PHC2: variants seen among roughly 807,000 people sequenced by gnomAD.
PHC2 encodes the protein polyhomeotic-like protein 2.
A neutral mutation model predicts 87.4 loss-of-function variants in PHC2; 29 were observed. That is an observed-to-expected ratio of 0.33 (90% CI 0.25 to 0.45). PHC2 has a LOEUF of 0.45. Ranked by LOEUF, PHC2 falls within the 20% of genes least tolerant of loss-of-function variation. The pLI is 1.00. For synonymous variants in PHC2, 438 were observed against 461.7 expected, an observed-to-expected ratio of 0.95 and a Z score of 0.66; for missense variants, 857 against 1,136.7, an observed-to-expected ratio of 0.75 and a Z score of 3.54.
At position 33,342,525 on chromosome 1, in the gene PHC2, C is replaced by T. The variant is rs116818513; in HGVS notation, c.1559-8233G>A. 3.2e-3 allele frequency among the ~76,000 whole-genome samples: 463 copies of T among 146,944 alleles called. 3 individuals carry two copies. The highest frequency in any genetic ancestry group is 0.011 in the African/African-American group (432 of 40,540). On this transcript the variant is annotated intron_variant, in intron 9 of 14. Coordinates refer to ENST00000683057, the MANE Select transcript of PHC2 (RefSeq NM_001385109.1). ...ATGGAGCGAACAGCCACCCTCCCCC[C>T]ACCCCATGCAGTTCAGGACAACGGG...
chr1:33,403,894 A>C (rs562434829), intron 1 of PHC2, among the ~76,000 whole-genome samples: 1 of 152,260 alleles, frequency 6.6e-6, no homozygotes, highest in South Asian at 2.1e-4. Flanking sequence ...TCTCCTTCAA[A>C]GGCTTGTCTC....
rs191292138 is a variant in PHC2, at chr1:33,336,955, G to C, written c.1559-2663C>G. On this transcript the variant is annotated intron_variant, in intron 9 of 14. Transcript: ENST00000683057. ...GATGATTCAATCAAATTAAGTTTCT[G>C]TGCTTTTAAATTTTAAATATTTAAC... The C allele has an allele frequency of 2.3e-3, 344 of 152,310 alleles. 2 individuals carry two copies. The highest frequency in any genetic ancestry group is 7.6e-3 in the African/African-American group (316 of 41,564). The allele number at this position is 152,310 out of a possible 1,614,324, so 9.4% of individuals were successfully genotyped here.
At chr1:33,379,308 CACCCCCCCACTGCCCCCCTGCCCCCCA>C (rs1648348384) in intron 1 of PHC2, among the ~76,000 whole-genome samples, 2 of 95,696 alleles carry the variant, frequency 2.1e-5, no homozygotes, top group Non-Finnish European at 4.3e-5. Flanking sequence ...CCTGCCCCCC[CACCCCCCCACTGCCCCCCTGCCCCCCA>C]CCCCCCCACC....
chr1:33,345,175 C>T (rs1408979906), intron 9 of PHC2: 1 of 152,202 alleles, frequency 6.6e-6, no homozygotes, highest in Non-Finnish European at 1.5e-5. Context: ...TCCTCCTAAT[C>T]TACTGGAGAA....
intron 1 of PHC2, among the ~76,000 whole-genome samples, chr1:33,430,605 T>G (rs1650872524): frequency 6.6e-6 from 1 of 151,742 alleles, no homozygotes; most frequent in African/African-American, 2.4e-5. Flanking sequence ...AGAAAGCGAG[T>G]CACTGACGGG....
At chr1:33,409,380 G>C (rs1649893373) in intron 1 of PHC2, among the ~76,000 whole-genome samples, 1 of 152,148 alleles carries the variant, frequency 6.6e-6, no homozygotes. Context: ...GTTTAAGAAA[G>C]AGTGTGTAAC....
chr1:33,363,500 A>G (rs1204980852), intron 7 of PHC2, among the ~76,000 whole-genome samples: 1 of 152,166 alleles, frequency 6.6e-6, no homozygotes, highest in Non-Finnish European at 1.5e-5. Context: ...CCAGCCTATC[A>G]CAGACAGAAA....
At chr1:33,367,468 A>G (rs1216314937) in intron 6 of PHC2, 40 bp from the exon 7 acceptor site, 1 of 1,457,684 alleles carries the variant, frequency 6.9e-7, no homozygotes, top group East Asian at 2.3e-5. Context: ...AGAATGTGGC[A>G]GGAGCAATGC....
chr1:33,383,103 C>T lies in PHC2; in HGVS notation c.-54-7510G>A, dbSNP rs548814285. 7.2e-5 allele frequency among the ~76,000 whole-genome samples: 11 copies of T among 152,262 alleles called. No individual in the cohort carries two copies. The South Asian group carries it at 1.0e-3, about 14-fold the overall frequency. On this transcript the variant is annotated intron_variant, in intron 1 of 14. Coordinates refer to ENST00000683057, the MANE Select transcript of PHC2 (RefSeq NM_001385109.1). ...TGCTTCTCCTTTCTGGATGCCCCTC[C>T]GCCAGAGGCATAAGGCAGTAATAAC...
At chr1:33,376,856 G>A (rs1034607474) in intron 1 of PHC2, among the ~76,000 whole-genome samples, 1 of 152,184 alleles carries the variant, frequency 6.6e-6, no homozygotes, top group Non-Finnish European at 1.5e-5. Flanking sequence ...TTGAACCCAG[G>A]AGACAGAGGT....
intron 7 of PHC2, among the ~76,000 whole-genome samples, chr1:33,356,274 T>TATATATATATATATATATAC (rs1647078573): frequency 3.9e-5 from 3 of 76,178 alleles, no homozygotes; most frequent in Admixed American, 1.2e-4. Flanking sequence ...TATATATATA[T>TATATATATATATATATATAC]ATGTATATAT....
intron 7 of PHC2, among the ~76,000 whole-genome samples, chr1:33,357,418 A>C (rs1379464022): frequency 2.0e-5 from 3 of 152,198 alleles, no homozygotes; most frequent in Admixed American, 6.5e-5. Context: ...ATAGGAATGG[A>C]AAGGACAGAA....
rs370813655 is a variant in PHC2 at position 33,331,864 on chromosome 1, C to T, written c.1892-402G>A. Reference sequence around the variant, plus strand: ...CCCAGTAAAAGACCTCAGGAGCCCACGCTCCTGCAGCTGTGCAGCTCTGTC... The same window carrying T: ...CCCAGTAAAAGACCTCAGGAGCCCATGCTCCTGCAGCTGTGCAGCTCTGTC... On this transcript the variant is annotated intron_variant, in intron 11 of 14. Coordinates refer to ENST00000683057, the MANE Select transcript of PHC2 (RefSeq NM_001385109.1). This position sits in a 1 kb window ranked among gnomAD's most constrained non-coding sequence, Gnocchi z 5.2. Among the ~76,000 whole-genome samples, 48 of 152,264 alleles carry T rather than the reference C, an allele frequency of 3.2e-4. 1 individual carries two copies. Among genetic ancestry groups the T allele is most frequent in the Admixed American group, 7.2e-4 (11 of 15,290 alleles).
At chr1:33,393,184 C>G (rs991797851) in intron 1 of PHC2, among the ~76,000 whole-genome samples, 79 of 152,228 alleles carry the variant, frequency 5.2e-4, no homozygotes, top group African/African-American at 1.9e-3. Context: ...AACTGGCGCC[C>G]AGAGCAACCT....
chr1:33,372,908 G>C (rs1647945405), intron 2 of PHC2, among the ~76,000 whole-genome samples: 1 of 152,194 alleles, frequency 6.6e-6, no homozygotes, highest in Non-Finnish European at 1.5e-5. Flanking sequence ...AAGTCAGCAG[G>C]GGGCCTACTC....
intron 7 of PHC2, among the ~76,000 whole-genome samples, chr1:33,356,568 G>C (rs1458286528): frequency 6.6e-6 from 1 of 151,882 alleles, no homozygotes; most frequent in East Asian, 1.9e-4. Flanking sequence ...ATTTAACCCT[G>C]AGTGGACACA....
At chr1:33,343,797 CTCAGACGTCTTGG>C (rs1397838539) in intron 9 of PHC2, among the ~76,000 whole-genome samples, 1 of 152,204 alleles carries the variant, frequency 6.6e-6, no homozygotes, top group Non-Finnish European at 1.5e-5. Context: ...GTTTGTGTTC[CTCAGACGTCTTGG>C]TCTACGTCGG....
chr1:33,372,235 G>T, intron 3 of PHC2, 54 bp downstream of exon 3: 1 of 1,470,664 alleles, frequency 6.8e-7, no homozygotes, highest in Non-Finnish European at 9.1e-7. Context: ...TCTCCCTTTT[G>T]CTTCCACAAC....
At position 33,329,084 on chromosome 1, in the gene PHC2, G is replaced by A. The variant is rs952635701; in HGVS notation, c.2211C>T (p.Asp737=). 6.2e-7 allele frequency: 1 copy of A among 1,614,220 alleles called. No homozygotes were observed. Among genetic ancestry groups the A allele is most frequent in the Non-Finnish European group, 8.5e-7 (1 of 1,180,034 alleles). ...AALQLTHSQE[D]SSRCSDNSSY... ...TTGAGTTATCTGAGCAACGGCTGGA[G>A]TCTTCCTGGCTGTGTGTTAGCTGCA... The change falls in exon 14 of 15, where the codon GAC becomes GAT. Residue 737 remains aspartate (D), a synonymous_variant. Coordinates refer to ENST00000683057, the MANE Select transcript of PHC2 (RefSeq NM_001385109.1).
Sources: gnomAD v4.1 joint callset for allele counts (sites outside exome capture counted in the v4.1 genomes callset) on GRCh38, gnomAD v4.1.1 for gene constraint, Gnocchi (gnomAD v3.1) non-coding constraint, MANE v1.5 for transcripts, NCBI Gene and HGNC (gene_info 2026-07-23, HGNC 2026-07-21) for gene names.